The following ZNF74 variants were observed in gnomAD, a reference collection of about 807,000 sequenced individuals.
The protein encoded by ZNF74 is zinc finger protein 520.
ZNF74 carries 12 observed loss-of-function variants against 17.7 expected under a neutral mutation model. The observed-to-expected ratio is 0.68, with a 90% confidence interval of 0.43 to 1.10. ZNF74 has a LOEUF of 1.10. ZNF74 is among the 50% of genes least tolerant of loss of function. The pLI, the probability that ZNF74 is intolerant of heterozygous loss-of-function variation, is 0.00. For missense variants in ZNF74, 811 were observed against 881.0 expected (o/e 0.92, Z 1.01); for synonymous variants, 358 against 362.1 (o/e 0.99, Z 0.13).
chr22:20,405,931 G>T lies in ZNF74; in HGVS notation c.898G>T (p.Gly300Cys), dbSNP rs200303466. ...NLLEHRRIHT[G>C]EKPFFCGECG... The stretch of plus-strand genomic sequence containing the variant: ...TCTGGAGCACCGGCGCATCCACACC[G>T]GCGAGAAGCCCTTCTTCTGCGGCGA... The change falls in exon 5 of 5, where the codon GGC becomes TGC. Residue 300 changes from glycine to cysteine, a missense_variant. Gly to Cys is a radical substitution (Grantham distance 159). Transcript: ENST00000400451. 2.5e-6 allele frequency: 4 copies of T among 1,613,952 alleles called. No individual in the cohort carries two copies. Among genetic ancestry groups the T allele is most frequent in the Non-Finnish European group, 3.4e-6 (4 of 1,179,942 alleles).
chr22:20,404,325 TTTTG>T (rs960415588), intron 4 of ZNF74, among the ~76,000 whole-genome samples: 50 of 151,658 alleles, frequency 3.3e-4, no homozygotes, highest in Middle Eastern at 3.4e-3. Flanking sequence ...GCTTTTTGGG[TTTTG>T]TTTGTTTGTT....
Position 20,401,412 on chromosome 22 carries a change from C to T in ZNF74, c.343+40C>T. 7.4e-7 allele frequency: 1 copy of T among 1,359,316 alleles called. No homozygotes were observed. The highest frequency in any genetic ancestry group is 1.0e-6 in the Non-Finnish European group (1 of 970,714). The allele number at this position is 1,359,316 out of a possible 1,614,324, so 84.2% of individuals were successfully genotyped here. ...AGGTGGAAGGGTGCCAGCCCCAGCA[C>T]CCCTGGTGGCACCTCCTCCTATGGC... is the stretch of plus-strand genomic sequence containing the variant. On this transcript the variant is annotated intron_variant, in intron 4 of 4. Transcript: ENST00000400451. The surrounding 1 kb of genome is among the most constrained non-coding windows in gnomAD (Gnocchi z 4.2).
Position 20,400,627 on chromosome 22 carries a change from T to G in ZNF74, c.121-5T>G. 6.2e-7 allele frequency: 1 copy of G among 1,614,010 alleles called. No individual in the cohort carries two copies. The highest frequency in any genetic ancestry group is 8.5e-7 in the Non-Finnish European group (1 of 1,179,968). ...TCCTGGGTGAGAACCTATATGTCAT[T>G]TCAGGAATCGGTGAGTTTCAAGGAT... On this transcript the variant is annotated splice_polypyrimidine_tract_variant and splice_region_variant and intron_variant, in intron 2 of 4. Transcript: ENST00000400451.
At position 20,406,757 on chromosome 22, in the gene ZNF74, A is replaced by G. The variant is rs1265252521; in HGVS notation, c.1724A>G (p.Gln575Arg). 1.2e-6 allele frequency: 2 copies of G among 1,614,172 alleles called. No homozygotes were observed. Among genetic ancestry groups the G allele is most frequent in the Non-Finnish European group, 8.5e-7 (1 of 1,180,030 alleles). The change falls in exon 5 of 5, where the codon CAG (glutamine) becomes CGG (arginine). Residue 575 changes from glutamine to arginine, a missense_variant. Physicochemically the swap from Gln to Arg is conservative, Grantham distance 43 (BLOSUM62 1). Transcript: ENST00000400451. ...TGGAGCTCGCACCTCACTGAGCACC[A>G]GAGGCTGCACAGCGAGGGGAAGCCC... The part of the protein sequence containing the change: ...FNWSSHLTEH[Q>R]RLHSEGKPLA...
chr22:20,398,262 A>G (rs1392802032), intron 2 of ZNF74, among the ~76,000 whole-genome samples: 2 of 150,026 alleles, frequency 1.3e-5, no homozygotes, highest in East Asian at 3.9e-4. Flanking sequence ...GGTTGCAGTG[A>G]GCTGAGATTG....
chr22:20,404,789 G>C (rs900539092), intron 4 of ZNF74, among the ~76,000 whole-genome samples: 3 of 152,004 alleles, frequency 2.0e-5, no homozygotes, highest in Non-Finnish European at 4.4e-5. Context: ...TTTCCTTTTG[G>C]CACCACAGAC....
intron 4 of ZNF74, 73 bp from the exon 5 acceptor site, chr22:20,405,304 G>A (rs923984678): frequency 6.7e-7 from 1 of 1,482,646 alleles, no homozygotes; most frequent in Non-Finnish European, 9.1e-7. Flanking sequence ...TGCATCTCCA[G>A]GCCAATTCTC....
At chr22:20,402,400 G>C (rs1014825063) in intron 4 of ZNF74, among the ~76,000 whole-genome samples, 9 of 152,150 alleles carry the variant, frequency 5.9e-5, no homozygotes, top group Non-Finnish European at 1.5e-5. Flanking sequence ...GAGGCTGAAA[G>C]GTTACTGAAA....
At chr22:20,398,064 A>T (rs8135306) in intron 2 of ZNF74, among the ~76,000 whole-genome samples, 5,225 of 152,242 alleles carry the variant, frequency 0.034, 202 homozygotes, top group African/African-American at 0.097. Context: ...CACGCCTGTA[A>T]CCCCAGCATT....
chr22:20,394,189 C>T lies in ZNF74; in HGVS notation c.-440C>T. Reference sequence around the variant, plus strand: ...GCTGCTCTTTGTGGCAGTCGCAGTCCTTTTGTGGGAGTCCGGTCTGTCCAC... The same window carrying T: ...GCTGCTCTTTGTGGCAGTCGCAGTCTTTTTGTGGGAGTCCGGTCTGTCCAC... On this transcript the variant is annotated 5_prime_UTR_variant, in exon 1 of 5. Coordinates refer to ENST00000400451, the MANE Select transcript of ZNF74 (RefSeq NM_003426.4). 3 of 653,978 alleles carry T rather than the reference C, an allele frequency of 4.6e-6. No homozygotes were observed. The highest frequency in any genetic ancestry group is 2.3e-5 in the Admixed American group (1 of 43,034). 40.5% of individuals were successfully genotyped at this position (653,978 alleles called of 1,614,324 possible). A position where few individuals can be genotyped will look rare whatever the true frequency, so the allele number is the denominator to read the frequency against.
rs1198871891 is a variant in ZNF74, at chr22:20,406,263, C to T, written c.1230C>T (p.His410=). 1 of 1,611,760 alleles carries T rather than the reference C, an allele frequency of 6.2e-7. No individual in the cohort carries two copies. Among genetic ancestry groups the T allele is most frequent in the East Asian group, 2.2e-5 (1 of 44,852 alleles). Reference sequence around the variant, plus strand: ...CCCTCACCGTGCATGAGAAGATCCACAGCGGGGACAAGCCGTTCAAGTGCA... The same window carrying T: ...CCCTCACCGTGCATGAGAAGATCCATAGCGGGGACAAGCCGTTCAAGTGCA... ...HSSLTVHEKI[H]SGDKPFKCSD... Residue 410 remains histidine (H), a synonymous_variant, in exon 5 of 5, where the codon CAC becomes CAT. Coordinates refer to ENST00000400451, the MANE Select transcript of ZNF74 (RefSeq NM_003426.4).
intron 1 of ZNF74, chr22:20,394,868 C>T (rs2052274637): frequency 3.5e-6 from 2 of 566,344 alleles, no homozygotes; most frequent in African/African-American, 1.9e-5. Flanking sequence ...TCAAACTATT[C>T]TCCCGCCTCA....
At position 20,394,471 on chromosome 22, in the gene ZNF74, C is replaced by T. The variant is rs2052268508; in HGVS notation, c.-158C>T. 2.8e-6 allele frequency: 2 copies of T among 713,508 alleles called. No individual in the cohort carries two copies. Among genetic ancestry groups the T allele is most frequent in the Non-Finnish European group, 4.8e-6 (2 of 419,982 alleles). 44.2% of individuals were successfully genotyped at this position (713,508 alleles called of 1,614,324 possible). On this transcript the variant is annotated 5_prime_UTR_variant, in exon 1 of 5. Transcript: ENST00000400451. ...TCAGCCGGGCGCGGGGAGGGGGCTC[C>T]GTGCGTGTGATCGTGCAGCTGTGAG...
intron 4 of ZNF74, among the ~76,000 whole-genome samples, chr22:20,403,625 C>T (rs971835863): frequency 2.6e-5 from 4 of 152,048 alleles, no homozygotes; most frequent in Non-Finnish European, 5.9e-5. Context: ...ACCATTATGC[C>T]AGGCACAGGG....
intron 4 of ZNF74, among the ~76,000 whole-genome samples, chr22:20,405,014 C>T (rs1366921498): frequency 6.6e-6 from 1 of 152,144 alleles, no homozygotes; most frequent in East Asian, 1.9e-4. Context: ...TGATACAGAG[C>T]AGTCGGTCAG....
Position 20,405,994 on chromosome 22 carries a change from G to A in ZNF74, c.961G>A (p.Val321Met). The A allele has an allele frequency of 6.2e-7, 1 of 1,613,352 alleles. No individual in the cohort carries two copies. The highest frequency in any genetic ancestry group is 8.5e-7 in the Non-Finnish European group (1 of 1,179,812). ...KAFSCHSSLN[V>M]HQRIHTGERP... is the part of the protein sequence containing the mutation. ...CTTCAGCTGCCACTCGTCCCTCAAC[G>A]TGCACCAGCGCATCCACACGGGCGA... Residue 321 changes from valine (V) to methionine (M), a missense_variant, in exon 5 of 5, where the codon GTG becomes ATG. By Grantham distance (21) the Val-to-Met change is conservative (BLOSUM62 1). This residue lies in a region of ZNF74 where 666 missense variants were observed against 702.3 expected (regional missense o/e 0.95). Transcript: ENST00000400451.
chr22:20,401,245 G>T lies in ZNF74; in HGVS notation c.248-32G>T, dbSNP rs1161715722. 1.3e-6 allele frequency: 2 copies of T among 1,505,884 alleles called. No individual in the cohort carries two copies. The highest frequency in any genetic ancestry group is 1.4e-5 in the African/African-American group (1 of 72,726). The allele number at this position is 1,505,884 out of a possible 1,614,324, so 93.3% of individuals were successfully genotyped here. A position where few individuals can be genotyped will look rare whatever the true frequency, so the allele number is the denominator to read the frequency against. On this transcript the variant is annotated intron_variant, in intron 3 of 4. Transcript: ENST00000400451. The surrounding 1 kb of genome is among the most constrained non-coding windows in gnomAD (Gnocchi z 4.2). The stretch of plus-strand genomic sequence containing the variant: ...GGTCGACTGGGCCTGGAGAGCTGCA[G>T]CATGCCCAGCCCACTTTCTCTCCAC...
At position 20,394,362 on chromosome 22, in the gene ZNF74, G is replaced by C. The variant is rs1467585722; in HGVS notation, c.-267G>C. The C allele has an allele frequency of 7.3e-6, 5 of 686,218 alleles. No individual in the cohort carries two copies. The highest frequency in any genetic ancestry group is 1.3e-5 in the Non-Finnish European group (5 of 372,906). The allele number at this position is 686,218 out of a possible 1,614,324, so 42.5% of individuals were successfully genotyped here. A position where few individuals can be genotyped will look rare whatever the true frequency, so the allele number is the denominator to read the frequency against. The stretch of plus-strand genomic sequence containing the variant: ...TCGCCGGGAGGAGCGTGTGGCGGGG[G>C]TGTGCCGGGGCGTGAGTGCGCCGAG... On this transcript the variant is annotated 5_prime_UTR_variant, in exon 1 of 5. Transcript: ENST00000400451.
Position 20,406,413 on chromosome 22 carries a change from C to T in ZNF74, c.1380C>T (p.Leu460=), listed in dbSNP as rs267606178. The part of the protein sequence containing the change: ...GKGFSCHAYL[L]VHRRIHSGEK... ...GCTTCAGCTGCCACGCGTACCTGCT[C>T]GTGCACCGGCGCATCCACAGCGGCG... Residue 460 remains leucine, a synonymous_variant, in exon 5 of 5, where the codon CTC becomes CTT. Transcript: ENST00000400451. 1 of 1,613,564 alleles carries T rather than the reference C, an allele frequency of 6.2e-7. No individual in the cohort carries two copies.
Sources: gnomAD v4.1 joint callset for allele counts (sites outside exome capture counted in the v4.1 genomes callset) on GRCh38, gnomAD v4.1.1 for gene constraint, gnomAD v4.1.1 regional missense constraint, Gnocchi (gnomAD v3.1) non-coding constraint, MANE v1.5 for transcripts, NCBI Gene and HGNC (gene_info 2026-07-23, HGNC 2026-07-21) for gene names.